The following UMAD1 variants were observed in gnomAD, a reference collection of about 807,000 sequenced individuals.
UMAD1 encodes UBAP1-MVB12-associated (UMA)-domain containing protein 1.
Under a neutral mutation model 6.1 loss-of-function variants are expected in UMAD1, and 8 were observed. That is an observed-to-expected ratio of 1.30 (90% CI 0.76 to 2.35). UMAD1 has a LOEUF of 2.35. UMAD1 is among the 30% of genes most tolerant of loss of function. The pLI is 0.00. For missense variants in UMAD1, 130 were observed against 78.4 expected (o/e 1.66, Z -2.49); for synonymous variants, 56 against 31.4 (o/e 1.78, Z -2.61).
At chr7:7,796,198 C>A (rs965207380) in intron 2 of UMAD1, among the ~76,000 whole-genome samples, 1 of 149,262 alleles carries the variant, frequency 6.7e-6, no homozygotes, top group African/African-American at 2.5e-5. Flanking sequence ...TATAGATATA[C>A]TTAAGCATTC....
At chr7:7,772,064 G>C (rs369013464) in intron 2 of UMAD1, among the ~76,000 whole-genome samples, 16 of 151,904 alleles carry the variant, frequency 1.1e-4, no homozygotes, top group African/African-American at 3.6e-4. Flanking sequence ...ATACTTTGGA[G>C]ACCTCAAGAT....
intron 2 of UMAD1, among the ~76,000 whole-genome samples, chr7:7,750,915 G>C (rs17137236): frequency 6.6e-6 from 1 of 152,106 alleles, no homozygotes; most frequent in East Asian, 1.9e-4. Flanking sequence ...ATAGCAAACA[G>C]TGTCAATAAA....
intron 2 of UMAD1, chr7:7,686,087 A>T (rs552833453): frequency 6.6e-6 from 1 of 152,328 alleles, no homozygotes; most frequent in South Asian, 2.1e-4. Flanking sequence ...GGAAGAGTTG[A>T]CTGTTTTACT....
At chr7:7,650,484 C>CTTACA (rs1262134872) in intron 1 of UMAD1, among the ~76,000 whole-genome samples, 61 of 152,134 alleles carry the variant, frequency 4.0e-4, no homozygotes, top group Non-Finnish European at 6.6e-4. Context: ...TGTGATTTTG[C>CTTACA]TGTAGGCTTA....
At chr7:7,721,335 T>C (rs1294757812) in intron 2 of UMAD1, among the ~76,000 whole-genome samples, 1 of 152,192 alleles carries the variant, frequency 6.6e-6, no homozygotes, top group Non-Finnish European at 1.5e-5. Flanking sequence ...TTCTCACATA[T>C]TCCATATGTG....
At chr7:7,865,338 G>C (rs12532041) in intron 3 of UMAD1, among the ~76,000 whole-genome samples, 49,403 of 152,008 alleles carry the variant, frequency 0.33, 9,754 homozygotes, top group African/African-American at 0.55. Flanking sequence ...TAGAACACTC[G>C]GTTGTTATTC....
chr7:7,875,210 T>C (rs1223485795), intron 3 of UMAD1, among the ~76,000 whole-genome samples: 1 of 152,210 alleles, frequency 6.6e-6, no homozygotes, highest in Non-Finnish European at 1.5e-5. Context: ...GGGAAATTTA[T>C]AGCACTAAAT....
At chr7:7,653,131 T>G (rs1034373868) in intron 1 of UMAD1, among the ~76,000 whole-genome samples, 1 of 152,242 alleles carries the variant, frequency 6.6e-6, no homozygotes, top group Non-Finnish European at 1.5e-5. Flanking sequence ...GTTGTCTGAA[T>G]TCTTTTGCAG....
At chr7:7,827,862 G>A (rs891826121) in intron 3 of UMAD1, among the ~76,000 whole-genome samples, 2 of 152,164 alleles carry the variant, frequency 1.3e-5, no homozygotes, top group Non-Finnish European at 2.9e-5. Flanking sequence ...CAATTCACAT[G>A]TACATGAAGT....
At position 7,877,590 on chromosome 7, in the gene UMAD1, A is replaced by C; in HGVS notation, c.*52A>C. ...GCTTTAAAATATGTTCGCCTATTTTATCTAACCTGTTTGATGTTCTTTGCC... is the reference window on the plus strand; with the variant it reads ...GCTTTAAAATATGTTCGCCTATTTTCTCTAACCTGTTTGATGTTCTTTGCC... On this transcript the variant is annotated 3_prime_UTR_variant, in exon 4 of 4. Transcript: ENST00000682710. 1 of 693,820 alleles carries C rather than the reference A, an allele frequency of 1.4e-6. No individual in the cohort carries two copies. The highest frequency in any genetic ancestry group is 2.0e-5 in the Admixed American group (1 of 49,288). 43.0% of individuals were successfully genotyped at this position (693,820 alleles called of 1,614,324 possible).
intron 2 of UMAD1, among the ~76,000 whole-genome samples, chr7:7,708,539 C>G (rs900729393): frequency 6.6e-6 from 1 of 152,152 alleles, no homozygotes; most frequent in Non-Finnish European, 1.5e-5. Flanking sequence ...TTTACAAAAG[C>G]AGCAGTGCTT....
At chr7:7,757,871 A>T (rs1000367249) in intron 2 of UMAD1, among the ~76,000 whole-genome samples, 1 of 152,086 alleles carries the variant, frequency 6.6e-6, no homozygotes, top group Admixed American at 6.6e-5. Flanking sequence ...TCCCGCCACC[A>T]TTCCAGAGGC....
At chr7:7,650,308 C>T (rs1785195299) in intron 1 of UMAD1, among the ~76,000 whole-genome samples, 1 of 152,126 alleles carries the variant, frequency 6.6e-6, no homozygotes, top group Non-Finnish European at 1.5e-5. Context: ...ATTTTTACAG[C>T]TTCATCAGTT....
chr7:7,743,836 T>C (rs1781519057), intron 2 of UMAD1, among the ~76,000 whole-genome samples: 1 of 152,052 alleles, frequency 6.6e-6, no homozygotes, highest in Non-Finnish European at 1.5e-5. Flanking sequence ...ATTATATTTA[T>C]GATGTTGTGA....
At chr7:7,651,317 C>T (rs955963189) in intron 1 of UMAD1, among the ~76,000 whole-genome samples, 2 of 152,074 alleles carry the variant, frequency 1.3e-5, no homozygotes, top group African/African-American at 4.8e-5. Flanking sequence ...CAAGGGTGGG[C>T]TTGGCTTGTC....
chr7:7,800,846 TA>T (rs1445911264), intron 2 of UMAD1, among the ~76,000 whole-genome samples: 1 of 152,224 alleles, frequency 6.6e-6, no homozygotes, highest in Non-Finnish European at 1.5e-5. Flanking sequence ...ATTTCTTTGG[TA>T]ATCTTCCCTG....
chr7:7,805,788 C>T (rs1321808921), intron 3 of UMAD1, among the ~76,000 whole-genome samples: 1 of 152,172 alleles, frequency 6.6e-6, no homozygotes, highest in Non-Finnish European at 1.5e-5. Flanking sequence ...TGGCTTCCTC[C>T]TTATCATTCA....
At chr7:7,778,226 TTGTG>T (rs61647575) in intron 2 of UMAD1, among the ~76,000 whole-genome samples, 1,971 of 126,316 alleles carry the variant, frequency 0.016, 27 homozygotes, top group African/African-American at 0.034. Flanking sequence ...AAAACTGGTT[TTGTG>T]TGTGTGTGTG....
intron 3 of UMAD1, among the ~76,000 whole-genome samples, chr7:7,858,692 C>G (rs1047210574): frequency 6.6e-6 from 1 of 152,160 alleles, no homozygotes; most frequent in Non-Finnish European, 1.5e-5. Flanking sequence ...CCAGCCTGAC[C>G]CATGGAAAAG....
Sources: allele counts gnomAD v4.1 joint callset (sites outside exome capture counted in the v4.1 genomes callset), GRCh38; gene constraint gnomAD v4.1.1; transcripts MANE v1.5; gene names NCBI Gene and HGNC (gene_info 2026-07-23, HGNC 2026-07-21).